The following SOX5 variants were observed in gnomAD, a reference collection of about 807,000 sequenced individuals.
SOX5 encodes SRY-box transcription factor 5, also known as transcription factor SOX-5.
A neutral mutation model predicts 92.0 loss-of-function variants in SOX5; 9 were observed. The ratio of observed to expected loss-of-function variants is 0.10; its 90% CI spans 0.06 to 0.17. The LOEUF is 0.17. Ranked by LOEUF, SOX5 falls within the 10% of genes least tolerant of loss-of-function variation. The pLI is 1.00. For missense variants in SOX5, 642 were observed against 944.5 expected (o/e 0.68, Z 4.20); for synonymous variants, 344 against 336.3 (o/e 1.02, Z -0.25).
chr12:24,322,359 C>T (rs1324699731), intron 2 of SOX5, among the ~76,000 whole-genome samples: 1 of 151,372 alleles, frequency 6.6e-6, no homozygotes, highest in Non-Finnish European at 1.5e-5. Flanking sequence ...AAATCACCTC[C>T]CCCTAGATGG....
At chr12:23,579,155 C>T (rs1194951978) in intron 9 of SOX5, among the ~76,000 whole-genome samples, 1 of 152,146 alleles carries the variant, frequency 6.6e-6, no homozygotes, top group Non-Finnish European at 1.5e-5. Context: ...ATAACTATTA[C>T]ATGCCCATGC....
chr12:24,164,808 A>C (rs1953197243), intron 4 of SOX5, among the ~76,000 whole-genome samples: 1 of 152,078 alleles, frequency 6.6e-6, no homozygotes, highest in Non-Finnish European at 1.5e-5. Flanking sequence ...AAAGTGGTTA[A>C]TGTGTCATTT....
chr12:23,792,973 T>C (rs1015111604), intron 3 of SOX5, among the ~76,000 whole-genome samples: 1 of 152,162 alleles, frequency 6.6e-6, no homozygotes, highest in Non-Finnish European at 1.5e-5. Flanking sequence ...ACTGAGACCT[T>C]AATTAAGGTT....
intron 1 of SOX5, among the ~76,000 whole-genome samples, chr12:24,493,574 GT>G (rs1947308536): frequency 6.6e-6 from 1 of 152,112 alleles, no homozygotes; most frequent in Non-Finnish European, 1.5e-5. Context: ...GAAATAAAAA[GT>G]TTGTTTTGGC....
At chr12:24,103,158 T>C (rs1946284350) in intron 4 of SOX5, among the ~76,000 whole-genome samples, 1 of 152,226 alleles carries the variant, frequency 6.6e-6, no homozygotes, top group South Asian at 2.1e-4. Context: ...ATGCCTCTAA[T>C]TGTTATAAGT....
At chr12:24,210,771 C>T (rs1958522944) in intron 4 of SOX5, among the ~76,000 whole-genome samples, 1 of 152,224 alleles carries the variant, frequency 6.6e-6, no homozygotes, top group African/African-American at 2.4e-5. Context: ...TATTATCTAA[C>T]ATTAGCCCCT....
Position 24,145,990 on chromosome 12 carries a change from G to A in SOX5, c.-2+67353C>T, listed in dbSNP as rs541650537. Among the ~76,000 whole-genome samples, 9 of 152,190 alleles carry A rather than the reference G, an allele frequency of 5.9e-5. No homozygotes were observed. The South Asian group carries it at 1.9e-3, about 32-fold the overall frequency. Reference sequence around the variant, plus strand: ...ATAACAGAGGTGCAAAATACATGAAGCAAAAACTGATAGAACCACAAGAAG... The same window carrying A: ...ATAACAGAGGTGCAAAATACATGAAACAAAAACTGATAGAACCACAAGAAG... On this transcript the variant is annotated intron_variant, in intron 4 of 4. Coordinates refer to the SOX5 transcript ENST00000446891.
chr12:23,956,463 G>T (rs1378307564), intron 4 of SOX5, among the ~76,000 whole-genome samples: 2 of 152,120 alleles, frequency 1.3e-5, no homozygotes, highest in African/African-American at 4.8e-5. Context: ...AACTGTGCAT[G>T]TGAGGGATCT....
intron 8 of SOX5, among the ~76,000 whole-genome samples, chr12:23,622,447 A>G (rs973176357): frequency 2.6e-5 from 4 of 152,054 alleles, no homozygotes; most frequent in African/African-American, 9.7e-5. Flanking sequence ...TCCTTTTCTG[A>G]TCCTACACTT....
intron 4 of SOX5, among the ~76,000 whole-genome samples, chr12:23,997,235 T>C (rs1342334286): frequency 6.6e-6 from 1 of 152,114 alleles, no homozygotes; most frequent in African/African-American, 2.4e-5. Flanking sequence ...AGCCCTAAGC[T>C]CTTTACTGCT....
intron 4 of SOX5, among the ~76,000 whole-genome samples, chr12:24,015,127 T>A (rs929001902): frequency 6.6e-6 from 1 of 151,904 alleles, no homozygotes. Flanking sequence ...TCTCCCTTTT[T>A]TCCCCCTCTA....
At chr12:24,237,850 A>G (rs1964813475) in intron 3 of SOX5, 1 of 152,216 alleles carries the variant, frequency 6.6e-6, no homozygotes, top group Non-Finnish European at 1.5e-5. Context: ...ATCTCCTAGG[A>G]CAGTGGCAGC....
intron 1 of SOX5, among the ~76,000 whole-genome samples, chr12:24,559,434 G>A (rs1272990818): frequency 6.6e-6 from 1 of 152,050 alleles, no homozygotes; most frequent in Non-Finnish European, 1.5e-5. Flanking sequence ...TAGGAGATTA[G>A]GAAACATAAA....
intron 1 of SOX5, among the ~76,000 whole-genome samples, chr12:24,429,690 T>C (rs149707755): frequency 2.0e-4 from 30 of 152,144 alleles, no homozygotes; most frequent in Admixed American, 7.2e-4. Flanking sequence ...AACTAAAGTG[T>C]TTATAAAAAT....
chr12:23,757,981 A>C (rs2094446842), intron 3 of SOX5, among the ~76,000 whole-genome samples: 1 of 143,348 alleles, frequency 7.0e-6, no homozygotes, highest in Admixed American at 7.4e-5. Context: ...CAGTTTGTTC[A>C]AGTACTTGAC....
At chr12:23,861,863 C>T (rs115040114) in intron 2 of SOX5, among the ~76,000 whole-genome samples, 129 of 152,148 alleles carry the variant, frequency 8.5e-4, no homozygotes, top group African/African-American at 2.9e-3. Context: ...CAACATCAAA[C>T]GGGAAAAATA....
Position 24,431,841 on chromosome 12 carries a change from C to T in SOX5, c.-250-63202G>A, listed in dbSNP as rs369986131. Among the ~76,000 whole-genome samples the T allele has an allele frequency of 3.9e-5, 6 of 152,176 alleles. No individual in the cohort carries two copies. In the South Asian group the frequency reaches 1.0e-3, roughly 26 times the overall value. ...AGAATTAAGGTATCTTGGTAGTTGA[C>T]GATGCATTTCTTGATGATAATGGCA... On this transcript the variant is annotated intron_variant, in intron 1 of 4. Transcript: ENST00000446891.
chr12:24,260,130 G>C (rs956678588), intron 3 of SOX5, among the ~76,000 whole-genome samples: 4 of 152,206 alleles, frequency 2.6e-5, no homozygotes, highest in Non-Finnish European at 5.9e-5. Flanking sequence ...GGGATGGTAT[G>C]AGAGGGAGTG....
At chr12:24,492,346 C>T (rs117784402) in intron 1 of SOX5, among the ~76,000 whole-genome samples, 2,008 of 152,260 alleles carry the variant, frequency 0.013, 28 homozygotes, top group South Asian at 0.028. Context: ...GTCTCACCTT[C>T]TTTGGTGTGA....
Sources: gnomAD v4.1 joint callset for allele counts (sites outside exome capture counted in the v4.1 genomes callset) on GRCh38, gnomAD v4.1.1 for gene constraint, MANE v1.5 for transcripts, NCBI Gene and HGNC (gene_info 2026-07-23, HGNC 2026-07-21) for gene names.